SYTL5: variants seen among roughly 807,000 people sequenced by gnomAD.
SYTL5 encodes synaptotagmin-like protein 5.
Under a neutral mutation model 55.9 loss-of-function variants are expected in SYTL5, and 34 were observed. The ratio of observed to expected loss-of-function variants is 0.61; its 90% CI spans 0.46 to 0.81. The LOEUF (loss-of-function observed/expected upper bound fraction) is 0.81. SYTL5 is among the 30% of genes least tolerant of loss of function. SYTL5 has a pLI of 0.00. For missense variants in SYTL5, 637 were observed against 546.7 expected, an observed-to-expected ratio of 1.17 and a Z score of -1.65; for synonymous variants, 221 against 188.7, an observed-to-expected ratio of 1.17 and a Z score of -1.40.
the SYTL5 span, among the ~76,000 whole-genome samples, chrX:37,903,483 A>G: frequency 5.9e-5 from 6 of 101,717 alleles, no homozygotes; most frequent in Admixed American, 6.6e-4. Context: ...TCTCACTCAT[A>G]GGTGGGAATT....
chrX:37,983,727 C>A, the SYTL5 span, among the ~76,000 whole-genome samples: 1 of 111,630 alleles, frequency 9.0e-6, no homozygotes, highest in African/African-American at 3.2e-5. Flanking sequence ...CTGAATAGAC[C>A]ATGTGCTAGG....
the SYTL5 span, among the ~76,000 whole-genome samples, chrX:37,896,233 T>G: frequency 8.9e-6 from 1 of 112,215 alleles, no homozygotes; most frequent in Non-Finnish European, 1.9e-5. Flanking sequence ...TCTCAACCAG[T>G]GTTATTCTTG....
At chrX:37,914,353 A>C in the SYTL5 span, among the ~76,000 whole-genome samples, 378 of 112,334 alleles carry the variant, frequency 3.4e-3, 1 homozygote, top group Middle Eastern at 0.023. Context: ...AAAATGATAA[A>C]TAAATTTGGT....
At chrX:37,989,846 C>T in the SYTL5 span, among the ~76,000 whole-genome samples, 2 of 110,571 alleles carry the variant, frequency 1.8e-5, no homozygotes, top group Middle Eastern at 4.2e-3. Flanking sequence ...TTACCTGGCA[C>T]TGACAGGTAA....
At chrX:38,066,829 G>T (rs559383352) in intron 3 of SYTL5, among the ~76,000 whole-genome samples, 1 of 112,143 alleles carries the variant, frequency 8.9e-6, no homozygotes. Flanking sequence ...TACAAATCCT[G>T]TCTCTGACAT....
chrX:38,010,971 G>A (rs1013309575), intron 1 of SYTL5, among the ~76,000 whole-genome samples: 5 of 111,394 alleles, frequency 4.5e-5, no homozygotes, highest in Non-Finnish European at 7.5e-5. Flanking sequence ...ATAAACTGAG[G>A]ATCATAGAGG....
chrX:38,091,423 A>G (rs1936796737), intron 7 of SYTL5, among the ~76,000 whole-genome samples: 2 of 111,883 alleles, frequency 1.8e-5, no homozygotes, highest in Admixed American at 1.9e-4. Flanking sequence ...TGACGAATAC[A>G]CTCACCTCTT....
the SYTL5 span, among the ~76,000 whole-genome samples, chrX:37,903,443 T>C: frequency 1.9e-5 from 2 of 105,871 alleles, no homozygotes; most frequent in South Asian, 4.3e-4. Flanking sequence ...AGCAAACTAT[T>C]GCAAGGGCAA....
At chrX:38,108,293 A>C (rs1937264866) in intron 11 of SYTL5, among the ~76,000 whole-genome samples, 1 of 112,028 alleles carries the variant, frequency 8.9e-6, no homozygotes, top group Non-Finnish European at 1.9e-5. Flanking sequence ...CAGATGAAGA[A>C]ACTGAGGCAC....
intron 9 of SYTL5, among the ~76,000 whole-genome samples, chrX:38,101,678 T>A (rs1292023423): frequency 2.7e-5 from 3 of 109,126 alleles, no homozygotes; most frequent in Non-Finnish European, 5.7e-5. Context: ...TGTATGTGTG[T>A]GTGTATATAT....
the SYTL5 span, among the ~76,000 whole-genome samples, chrX:37,998,276 C>A: frequency 8.9e-6 from 1 of 112,471 alleles, no homozygotes; most frequent in Non-Finnish European, 1.9e-5. Flanking sequence ...TTGAAACATG[C>A]CCCTTGCTCG....
chrX:38,008,924 A>G (rs774715429), intron 1 of SYTL5, among the ~76,000 whole-genome samples: 1 of 112,075 alleles, frequency 8.9e-6, no homozygotes, highest in South Asian at 3.7e-4. Flanking sequence ...CTGCCTTTAT[A>G]TATCTCCAGT....
intron 3 of SYTL5, among the ~76,000 whole-genome samples, chrX:38,067,382 C>CAAA (rs55653564): frequency 5.7e-5 from 5 of 88,466 alleles, no homozygotes; most frequent in Non-Finnish European, 6.8e-5. Context: ...AAGAACATAT[C>CAAA]AAAAAAAAAA....
chrX:38,002,963 AT>A (rs1933894041), upstream of SYTL5, among the ~76,000 whole-genome samples: 2 of 111,627 alleles, frequency 1.8e-5, no homozygotes, highest in South Asian at 7.5e-4. Flanking sequence ...CCTGAATGGT[AT>A]TGCCTAGTTT....
At chrX:38,087,985 AAAT>A (rs1936697116) in intron 6 of SYTL5, among the ~76,000 whole-genome samples, 1 of 111,957 alleles carries the variant, frequency 8.9e-6, no homozygotes, top group African/African-American at 3.2e-5. Context: ...TAAAAATATT[AAAT>A]AATATTCTAA....
chrX:37,936,611 C>T, the SYTL5 span, among the ~76,000 whole-genome samples: 4 of 112,058 alleles, frequency 3.6e-5, no homozygotes, highest in South Asian at 1.1e-3. Context: ...CACTCACCTC[C>T]GACTTCTAGA....
At chrX:38,083,125 C>T (rs1276607190) in intron 6 of SYTL5, among the ~76,000 whole-genome samples, 3 of 111,637 alleles carry the variant, frequency 2.7e-5, no homozygotes, top group Non-Finnish European at 5.6e-5. Context: ...TTCTTGCCCC[C>T]GACTTCTAAT....
chrX:38,102,615 T>C (rs1035945957), intron 10 of SYTL5, among the ~76,000 whole-genome samples, 181 bp downstream of exon 10: 5 of 111,851 alleles, frequency 4.5e-5, no homozygotes, highest in African/African-American at 1.6e-4. Flanking sequence ...TGTGGGTTTT[T>C]TCTCAGGCTC....
intron 15 of SYTL5, among the ~76,000 whole-genome samples, chrX:38,122,489 C>T (rs141422891): frequency 5.3e-4 from 59 of 112,258 alleles, no homozygotes; most frequent in African/African-American, 1.7e-3. Flanking sequence ...ATTCATTTAT[C>T]GAAAGTGGAC....
Sources: gnomAD v4.1 joint callset for allele counts (sites outside exome capture counted in the v4.1 genomes callset) on GRCh38, gnomAD v4.1.1 for gene constraint, MANE v1.5 for transcripts, NCBI Gene and HGNC (gene_info 2026-07-23, HGNC 2026-07-21) for gene names.